Variants in KIF26A observed in about 807,000 individuals in gnomAD.
The protein encoded by KIF26A is kinesin family member 26A.
A neutral mutation model predicts 126.0 loss-of-function variants in KIF26A; 74 were observed. The observed-to-expected ratio is 0.59, with a 90% CI of 0.49 to 0.71. The LOEUF (loss-of-function observed/expected upper bound fraction) is 0.71. Among genes scored for constraint, KIF26A ranks in the 30% least tolerant of loss-of-function variants. The pLI is 0.00. For missense variants in KIF26A, 2,984 were observed against 2,763.3 expected, an observed-to-expected ratio of 1.08 and a Z score of -1.79; for synonymous variants, 1,445 against 1,232.7, an observed-to-expected ratio of 1.17 and a Z score of -3.61.
rs1476953410 is a variant in KIF26A, at chr14:104,177,682, G to A, written c.4894G>A (p.Asp1632Asn). The A allele has an allele frequency of 3.3e-6, 5 of 1,530,242 alleles. No homozygotes were observed. Among genetic ancestry groups the A allele is most frequent in the South Asian group, 1.2e-5 (1 of 83,384 alleles). The allele number at this position is 1,530,242 out of a possible 1,614,324, so 94.8% of individuals were successfully genotyped here. A position where few individuals can be genotyped will look rare whatever the true frequency, so the allele number is the denominator to read the frequency against. The change falls in exon 12 of 15, where the codon GAC becomes AAC. Residue 1632 changes from aspartate to asparagine, a missense_variant. Transcript: ENST00000423312. ...GCGCTACAGCAGCGGCCATGGCAGC[G>A]ACAACAGCAGCGTGCTGAGTGGAGA... ...PQRYSSGHGSDNSSVLSGELP... is the reference protein window; with the variant it reads ...PQRYSSGHGSNNSSVLSGELP...
chr14:104,163,847 CCAAG>C (rs775185927), intron 4 of KIF26A, among the ~76,000 whole-genome samples: 2 of 151,980 alleles, frequency 1.3e-5, no homozygotes, highest in Non-Finnish European at 2.9e-5. Context: ...GGCAAGGAAC[CCAAG>C]TCCCCGAGGC....
At chr14:104,159,052 T>C (rs566393979) in intron 4 of KIF26A, among the ~76,000 whole-genome samples, 2 of 152,168 alleles carry the variant, frequency 1.3e-5, no homozygotes, top group East Asian at 1.9e-4. Flanking sequence ...TGACGGGGCA[T>C]ATGATTAGGG....
rs757099815 is a variant in KIF26A at position 104,152,310 on chromosome 14, T to C, written c.584T>C (p.Leu195Pro). The change falls in exon 3 of 15, where the codon CTG (leucine) becomes CCG (proline). Residue 195 changes from leucine (L) to proline (P), a missense_variant. By Grantham distance (98) the Leu-to-Pro change is moderately conservative. Transcript: ENST00000423312. The surrounding 1 kb of genome is among the most constrained non-coding windows in gnomAD (Gnocchi z 5.9). ...GRAGPDRTKG[L>P]AWSPGPSVQV... ...GCTGGGCCAGACAGGACCAAGGGGCTGGCCTGGTCCCCCGGGCCCAGTGTC... is the reference window on the plus strand; with the variant it reads ...GCTGGGCCAGACAGGACCAAGGGGCCGGCCTGGTCCCCCGGGCCCAGTGTC... The C allele has an allele frequency of 2.9e-5, 46 of 1,583,146 alleles. No homozygotes were observed. In the Admixed American group the frequency reaches 3.1e-4, roughly 11 times the overall value.
rs1371402650 is a variant in KIF26A at position 104,173,743 on chromosome 14, G to A, written c.1905G>A (p.Leu635=). Residue 635 remains leucine (L), a synonymous_variant, in exon 10 of 15, where the codon CTG becomes CTA. Transcript: ENST00000423312. ...GCAGCCGCCTGCACCTCATCGACCT[G>A]GGCAGCTGTGAGGCGGCGGCTGGCA... ...GGRSRLHLID[L]GSCEAAAGRA... is the part of the protein sequence containing the mutation. The A allele has an allele frequency of 6.2e-7, 1 of 1,611,164 alleles. No homozygotes were observed. Among genetic ancestry groups the A allele is most frequent in the Admixed American group, 1.7e-5 (1 of 59,948 alleles).
intron 5 of KIF26A, among the ~76,000 whole-genome samples, chr14:104,169,106 C>T (rs1289097216): frequency 6.6e-6 from 1 of 152,212 alleles, no homozygotes; most frequent in Non-Finnish European, 1.5e-5. Context: ...TCAACAGTCT[C>T]CTTGAGACAG....
chr14:104,165,714 TG>T (rs2037889144), intron 4 of KIF26A, among the ~76,000 whole-genome samples: 2 of 151,964 alleles, frequency 1.3e-5, no homozygotes, highest in Non-Finnish European at 2.9e-5. Flanking sequence ...TCTGTGCATA[TG>T]TGTGTCTGTG....
At chr14:104,156,877 C>T (rs191525624) in intron 3 of KIF26A, among the ~76,000 whole-genome samples, 120 of 152,310 alleles carry the variant, frequency 7.9e-4, no homozygotes, top group Admixed American at 1.1e-3. Context: ...CAGTGGTTAT[C>T]GACTGGACAC....
At position 104,139,072 on chromosome 14, in the gene KIF26A, G is replaced by A. The variant is rs972958553; in HGVS notation, c.72G>A (p.Pro24=). The change falls in exon 2 of 15, where the codon CCG becomes CCA. Residue 24 remains proline, a synonymous_variant. Coordinates refer to ENST00000423312, the MANE Select transcript of KIF26A (RefSeq NM_015656.2). ...CCGAGGGCGGCCCGGCCCGCGAGCC[G>A]CCGCCGCTGCTGGAGGTGTCCCCCC... The part of the protein sequence containing the change: ...AVAEGGPARE[P]PPLLEVSPRK... The A allele has an allele frequency of 2.2e-6, 3 of 1,391,464 alleles. No individual in the cohort carries two copies. The highest frequency in any genetic ancestry group is 1.9e-6 in the Non-Finnish European group (2 of 1,078,962). The allele number at this position is 1,391,464 out of a possible 1,614,324, so 86.2% of individuals were successfully genotyped here. A position where few individuals can be genotyped will look rare whatever the true frequency, so the allele number is the denominator to read the frequency against.
chr14:104,157,811 C>T lies in KIF26A; in HGVS notation c.792C>T (p.Pro264=), dbSNP rs540770480. 4.3e-5 allele frequency: 70 copies of T among 1,609,754 alleles called. No individual in the cohort carries two copies. The highest frequency in any genetic ancestry group is 4.2e-4 in the Admixed American group (25 of 59,770). The part of the protein sequence containing the change: ...AVADTVRECP[P]VAGPDGLSKA... ...CAGACACGGTCCGAGAATGCCCCCC[C>T]GTGGCCGGCCCTGATGGCTTGTCGA... Residue 264 remains proline, a synonymous_variant, in exon 4 of 15, where the codon CCC becomes CCT. Coordinates refer to ENST00000423312, the MANE Select transcript of KIF26A (RefSeq NM_015656.2).
intron 4 of KIF26A, among the ~76,000 whole-genome samples, chr14:104,158,820 G>A (rs1227905770): frequency 6.6e-6 from 1 of 152,218 alleles, no homozygotes; most frequent in East Asian, 1.9e-4. Flanking sequence ...TTGGTCCTGG[G>A]ACCCGTGGCA....
In KIF26A at chr14:104,180,568, T is replaced by C. The variant is rs939895554; in HGVS notation, c.*778T>C. The C allele has an allele frequency of 6.5e-6, 1 of 152,952 alleles. No individual in the cohort carries two copies. Among genetic ancestry groups the C allele is most frequent in the African/African-American group, 2.4e-5 (1 of 41,472 alleles). 9.5% of individuals were successfully genotyped at this position (152,952 alleles called of 1,614,324 possible). ...ATTTTTATATCATTTTGCCCATAAATGCGGAATTTGCCGTGGGAATTTGAA... is the reference window on the plus strand; with the variant it reads ...ATTTTTATATCATTTTGCCCATAAACGCGGAATTTGCCGTGGGAATTTGAA... On this transcript the variant is annotated 3_prime_UTR_variant, in exon 15 of 15. Transcript: ENST00000423312.
Position 104,175,727 on chromosome 14 carries a change from C to G in KIF26A, c.2939C>G (p.Pro980Arg), listed in dbSNP as rs1177297273. The change falls in exon 12 of 15, where the codon CCT becomes CGT. Residue 980 changes from proline to arginine, a missense_variant. Pro to Arg is a moderately radical substitution (Grantham distance 103). Transcript: ENST00000423312. ...GGGTDGVART[P>R]PVGMSGQVAG... The stretch of plus-strand genomic sequence containing the variant: ...GGCACTGATGGAGTGGCACGGACCC[C>G]TCCCGTGGGCATGAGTGGGCAGGTG... The G allele has an allele frequency of 6.4e-7, 1 of 1,570,670 alleles. No homozygotes were observed. The highest frequency in any genetic ancestry group is 1.3e-5 in the African/African-American group (1 of 74,106).
At chr14:104,155,791 C>T (rs1165730124) in intron 3 of KIF26A, among the ~76,000 whole-genome samples, 4 of 152,156 alleles carry the variant, frequency 2.6e-5, no homozygotes, top group African/African-American at 4.8e-5. Context: ...CGTTGCTGGG[C>T]GGGGCCGGAA....
At chr14:104,156,511 C>G (rs981655337) in intron 3 of KIF26A, among the ~76,000 whole-genome samples, 1 of 152,204 alleles carries the variant, frequency 6.6e-6, no homozygotes, top group African/African-American at 2.4e-5. Flanking sequence ...TCCATCCAGC[C>G]TAAGTCTTGG....
intron 3 of KIF26A, among the ~76,000 whole-genome samples, chr14:104,155,306 A>G (rs1176479432): frequency 6.6e-6 from 1 of 152,132 alleles, no homozygotes; most frequent in Non-Finnish European, 1.5e-5. Context: ...TTAGCTTGGC[A>G]TTTCCTAAAC....
chr14:104,178,543 G>C lies in KIF26A; in HGVS notation c.5111-7G>C. On this transcript the variant is annotated splice_region_variant and splice_polypyrimidine_tract_variant and intron_variant, in intron 12 of 14. Coordinates refer to ENST00000423312, the MANE Select transcript of KIF26A (RefSeq NM_015656.2). The stretch of plus-strand genomic sequence containing the variant: ...CTGTTCACCCTGTGCCCGGCTCTCC[G>C]TTCCAGGTCTGCAGCGGCGGCGCCT... 1 of 1,454,220 alleles carries C rather than the reference G, an allele frequency of 6.9e-7. No homozygotes were observed. The highest frequency in any genetic ancestry group is 9.1e-7 in the Non-Finnish European group (1 of 1,101,076). 90.1% of individuals were successfully genotyped at this position (1,454,220 alleles called of 1,614,324 possible).
In KIF26A at chr14:104,177,140, G is replaced by C. The variant is rs751259805; in HGVS notation, c.4352G>C (p.Gly1451Ala). 1 of 1,597,622 alleles carries C rather than the reference G, an allele frequency of 6.3e-7. No homozygotes were observed. Among genetic ancestry groups the C allele is most frequent in the Admixed American group, 1.7e-5 (1 of 59,930 alleles). Residue 1451 changes from glycine (G) to alanine (A), a missense_variant, in exon 12 of 15, where the codon GGC (glycine) becomes GCC (alanine). Transcript: ENST00000423312. ...GGCCTGGCGCACAGCAGCAGCAAGG[G>C]CCGGGAAGCCCCTGGGCGGCCTCCC... ...YEGLAHSSSK[G>A]REAPGRPPRA...
chr14:104,168,975 CTG>C (rs2037932694), intron 5 of KIF26A, among the ~76,000 whole-genome samples: 1 of 152,250 alleles, frequency 6.6e-6, no homozygotes, highest in Admixed American at 6.5e-5. Flanking sequence ...CTCCTGATCT[CTG>C]TGCGTGTGCC....
rs1441757348 is a variant in KIF26A at position 104,180,858 on chromosome 14, C to T, written c.*1068C>T. The T allele has an allele frequency of 3.3e-5, 5 of 153,508 alleles. No homozygotes were observed. The highest frequency in any genetic ancestry group is 1.2e-4 in the African/African-American group (5 of 41,504). 9.5% of individuals were successfully genotyped at this position (153,508 alleles called of 1,614,324 possible). A position where few individuals can be genotyped will look rare whatever the true frequency, so the allele number is the denominator to read the frequency against. On this transcript the variant is annotated 3_prime_UTR_variant, in exon 15 of 15. Coordinates refer to ENST00000423312, the MANE Select transcript of KIF26A (RefSeq NM_015656.2). ...CAAATGTGTAGATGACATCTTGCTA[C>T]AGCTTTTATTTGTGAATTAAAGATG...
Sources: allele counts gnomAD v4.1 joint callset (sites outside exome capture counted in the v4.1 genomes callset), GRCh38; gene constraint gnomAD v4.1.1; non-coding constraint Gnocchi (gnomAD v3.1); transcripts MANE v1.5; gene names NCBI Gene and HGNC (gene_info 2026-07-23, HGNC 2026-07-21).